MSI2: variants seen among roughly 807,000 people sequenced by gnomAD.
MSI2 encodes RNA-binding protein Musashi homolog 2.
A neutral mutation model predicts 45.6 loss-of-function variants in MSI2; 17 were observed. The ratio of observed to expected loss-of-function variants is 0.37; its 90% CI spans 0.26 to 0.56. The LOEUF (loss-of-function observed/expected upper bound fraction) is 0.56, where lower values mean the gene tolerates loss of function less well. MSI2 is among the 20% of genes least tolerant of loss of function. The pLI is 0.77. For synonymous variants in MSI2, 156 were observed against 158.2 expected (o/e 0.99, Z 0.11); for missense variants, 293 against 444.2 (o/e 0.66, Z 3.06).
intron 6 of MSI2, among the ~76,000 whole-genome samples, chr17:57,442,094 T>C (rs922342404): frequency 6.6e-6 from 1 of 150,844 alleles, no homozygotes; most frequent in Admixed American, 6.6e-5. Context: ...TGGAGTGCAG[T>C]GGTGCGATCT....
intron 7 of MSI2, among the ~76,000 whole-genome samples, chr17:57,573,127 T>C (rs1388816597): frequency 6.6e-6 from 1 of 152,216 alleles, no homozygotes; most frequent in Non-Finnish European, 1.5e-5. Flanking sequence ...ACGGTGTTCA[T>C]GGGGACCACT....
At chr17:57,618,588 G>C (rs1907962504) in intron 9 of MSI2, among the ~76,000 whole-genome samples, 1 of 152,146 alleles carries the variant, frequency 6.6e-6, no homozygotes. Flanking sequence ...TCTGTCGCCA[G>C]GCTGGAGTGC....
Position 57,390,396 on chromosome 17 carries a change from A to G in MSI2, c.313-10983A>G, listed in dbSNP as rs368657663. Among the ~76,000 whole-genome samples the G allele has an allele frequency of 2.2e-4, 34 of 152,270 alleles. No homozygotes were observed. The East Asian group carries it at 6.3e-3, about 28-fold the overall frequency. ...ATACTGATGCCCAGGTCTCACCTTG[A>G]ACCAATGAGATCCCTGAGGGTGGGG... On this transcript the variant is annotated intron_variant, in intron 5 of 13. Transcript: ENST00000284073.
At chr17:57,324,933 A>G (rs1382950289) in intron 5 of MSI2, among the ~76,000 whole-genome samples, 1 of 152,198 alleles carries the variant, frequency 6.6e-6, no homozygotes, top group Non-Finnish European at 1.5e-5. Flanking sequence ...GCAGGCATGC[A>G]GAAGAGGAGG....
chr17:57,496,359 C>T (rs2143835907), intron 6 of MSI2, among the ~76,000 whole-genome samples: 1 of 152,338 alleles, frequency 6.6e-6, no homozygotes, highest in East Asian at 1.9e-4. Context: ...CCTGTCCTAC[C>T]TCCAGCCCAA....
intron 5 of MSI2, among the ~76,000 whole-genome samples, chr17:57,325,921 A>G (rs1306845731): frequency 1.3e-5 from 2 of 152,178 alleles, no homozygotes; most frequent in African/African-American, 2.4e-5. Flanking sequence ...ACTGCGCTCC[A>G]TGACCTGTTG....
chr17:57,374,347 T>G (rs2143980579), intron 5 of MSI2, among the ~76,000 whole-genome samples: 1 of 152,364 alleles, frequency 6.6e-6, no homozygotes, highest in South Asian at 2.1e-4. Context: ...AAGTTTCCCT[T>G]TCTAGCCCTT....
At chr17:57,586,242 T>G (rs916020830) in intron 7 of MSI2, among the ~76,000 whole-genome samples, 1 of 152,180 alleles carries the variant, frequency 6.6e-6, no homozygotes, top group African/African-American at 2.4e-5. Context: ...AACAGGAGTC[T>G]GGGATGAGAC....
intron 6 of MSI2, among the ~76,000 whole-genome samples, chr17:57,511,582 G>T (rs1236201035): frequency 1.3e-5 from 2 of 152,156 alleles, no homozygotes; most frequent in African/African-American, 4.8e-5. Context: ...TTTCTCTCGT[G>T]CGTACGGATG....
intron 7 of MSI2, among the ~76,000 whole-genome samples, chr17:57,530,338 GT>G (rs2086796227): frequency 6.6e-6 from 1 of 152,182 alleles, no homozygotes; most frequent in African/African-American, 2.4e-5. Context: ...AATGTCATAT[GT>G]TTATACTTTT....
In MSI2 at chr17:57,603,865, G is replaced by A. The variant is rs1395669500; in HGVS notation, c.537+6915G>A. ...CAGTCAGGGTGCTCCTTGTCTACAG[G>A]GGTCCAATGAAAGGCATTTAGCCAA... On this transcript the variant is annotated intron_variant, in intron 8 of 13. Transcript: ENST00000284073. Among the ~76,000 whole-genome samples the A allele has an allele frequency of 2.6e-5, 4 of 152,244 alleles. No homozygotes were observed. The East Asian group carries it at 7.7e-4, about 29-fold the overall frequency.
chr17:57,648,707 C>T (rs1598490522), intron 10 of MSI2, among the ~76,000 whole-genome samples: 2 of 152,292 alleles, frequency 1.3e-5, no homozygotes, highest in Admixed American at 1.3e-4. Context: ...CTTTGCTTGG[C>T]CCGAGGCCCT....
intron 6 of MSI2, among the ~76,000 whole-genome samples, chr17:57,481,672 C>T (rs2085650326): frequency 6.6e-6 from 1 of 152,152 alleles, no homozygotes. Context: ...AAATGTAAAG[C>T]TTATTGGAGG....
At chr17:57,579,076 G>A (rs533941705) in intron 7 of MSI2, among the ~76,000 whole-genome samples, 43 of 152,292 alleles carry the variant, frequency 2.8e-4, no homozygotes, top group Admixed American at 1.4e-3. Flanking sequence ...ACATGCATTG[G>A]TTTCAAAACA....
chr17:57,270,260 T>C (rs911610753), intron 5 of MSI2, among the ~76,000 whole-genome samples: 5 of 151,842 alleles, frequency 3.3e-5, no homozygotes, highest in African/African-American at 1.2e-4. Context: ...TCCTTTGAAA[T>C]AGTTGGTATT....
At chr17:57,318,492 G>C (rs147537196) in intron 5 of MSI2, among the ~76,000 whole-genome samples, 2 of 152,080 alleles carry the variant, frequency 1.3e-5, no homozygotes, top group South Asian at 4.2e-4. Context: ...TGTTTAGAGA[G>C]TGTGGCCACC....
downstream of MSI2, among the ~76,000 whole-genome samples, chr17:57,689,187 T>TA (rs1296160660): frequency 5.6e-4 from 70 of 124,440 alleles, no homozygotes; most frequent in African/African-American, 1.8e-3. Flanking sequence ...CTCTTTTTTT[T>TA]TAATTGTACT....
upstream of MSI2, chr17:57,256,437 A>C: frequency 5.6e-5 from 8 of 142,994 alleles, no homozygotes; most frequent in East Asian, 1.5e-4. Flanking sequence ...TGCGCCGGGG[A>C]GGAGGGGGAG....
At chr17:57,573,527 T>C (rs1013242845) in intron 7 of MSI2, among the ~76,000 whole-genome samples, 2 of 152,158 alleles carry the variant, frequency 1.3e-5, no homozygotes, top group African/African-American at 4.8e-5. Flanking sequence ...CCTGTTGAGG[T>C]CACCTGAGTT....
Sources: gnomAD v4.1 joint callset for allele counts (sites outside exome capture counted in the v4.1 genomes callset) on GRCh38, gnomAD v4.1.1 for gene constraint, MANE v1.5 for transcripts, NCBI Gene and HGNC (gene_info 2026-07-23, HGNC 2026-07-21) for gene names.